The following MAP4 variants were observed in gnomAD, a reference collection of about 807,000 sequenced individuals.
The protein encoded by MAP4 is microtubule associated protein 4.
Under a neutral mutation model 170.2 loss-of-function variants are expected in MAP4, and 76 were observed. That is an observed-to-expected ratio of 0.45 (90% CI 0.37 to 0.54). MAP4 has a LOEUF of 0.54. Among genes scored for constraint, MAP4 ranks in the 20% least tolerant of loss-of-function variants. The pLI, the probability that MAP4 is intolerant of heterozygous loss-of-function variation, is 0.00. For synonymous variants in MAP4, 909 were observed against 994.5 expected, an observed-to-expected ratio of 0.91 and a Z score of 1.62; for missense variants, 2,506 against 2,748.0, an observed-to-expected ratio of 0.91 and a Z score of 1.97.
At chr3:47,969,408 C>T (rs1277186113) in intron 3 of MAP4, among the ~76,000 whole-genome samples, 1 of 91,774 alleles carries the variant, frequency 1.1e-5, no homozygotes, top group Admixed American at 1.3e-4. Flanking sequence ...CTCTGTCTCG[C>T]GGGGCGCGGG....
intron 1 of MAP4, among the ~76,000 whole-genome samples, chr3:48,078,125 C>T (rs2100144856): frequency 6.6e-6 from 1 of 152,002 alleles, no homozygotes; most frequent in African/African-American, 2.4e-5. Context: ...TGTGAATACA[C>T]CAAAAACCAC....
At chr3:47,862,473 A>C (rs1470415214) in intron 17 of MAP4, among the ~76,000 whole-genome samples, 1 of 150,962 alleles carries the variant, frequency 6.6e-6, no homozygotes, top group East Asian at 1.9e-4. Flanking sequence ...TATATGGATC[A>C]ATTTTTTCCT....
chr3:47,991,430 G>A (rs1406545257), intron 2 of MAP4, among the ~76,000 whole-genome samples: 1 of 152,116 alleles, frequency 6.6e-6, no homozygotes, highest in East Asian at 1.9e-4. Context: ...CAGTGCTTTG[G>A]GAGGCTAAGG....
At chr3:47,856,889 G>C (rs1481844862) in intron 18 of MAP4, among the ~76,000 whole-genome samples, 1 of 152,240 alleles carries the variant, frequency 6.6e-6, no homozygotes, top group Non-Finnish European at 1.5e-5. Flanking sequence ...ACTACCCAAG[G>C]CAAGAGCCCA....
At chr3:47,896,498 C>T (rs1183669580) in intron 10 of MAP4, among the ~76,000 whole-genome samples, 1 of 152,100 alleles carries the variant, frequency 6.6e-6, no homozygotes, top group Non-Finnish European at 1.5e-5. Context: ...CATTGCACTC[C>T]AGCCTGGGCA....
chr3:47,891,570 A>G, intron 10 of MAP4: 1 of 1,532,382 alleles, frequency 6.5e-7, no homozygotes, highest in South Asian at 1.2e-5. Context: ...GGGGGAACTG[A>G]GAGGTGAGAA....
intron 1 of MAP4, among the ~76,000 whole-genome samples, chr3:48,084,385 C>CT (rs1179241477): frequency 3.1e-5 from 4 of 127,538 alleles, no homozygotes; most frequent in African/African-American, 6.1e-5. Flanking sequence ...GATCTCATCT[C>CT]TAAAAAAAAA....
At chr3:48,068,297 A>G (rs1408130177) in intron 1 of MAP4, among the ~76,000 whole-genome samples, 1 of 151,586 alleles carries the variant, frequency 6.6e-6, no homozygotes, top group East Asian at 1.9e-4. Context: ...ATATTTAAGT[A>G]ATAAACATCC....
intron 3 of MAP4, among the ~76,000 whole-genome samples, chr3:47,968,983 C>A (rs2100076838): frequency 6.6e-6 from 1 of 152,092 alleles, no homozygotes; most frequent in Non-Finnish European, 1.5e-5. Context: ...AATTATATAA[C>A]CTAGATGAAA....
At position 48,080,093 on chromosome 3, in the gene MAP4, T is replaced by C. The variant is rs58216612; in HGVS notation, c.-20+8680A>G. Among the ~76,000 whole-genome samples, 615 of 152,264 alleles carry C rather than the reference T, an allele frequency of 4.0e-3. 6 individuals are homozygous for C. Among genetic ancestry groups the C allele is most frequent in the African/African-American group, 0.014 (594 of 41,542 alleles). On this transcript the variant is annotated intron_variant, in intron 1 of 18. Coordinates refer to the MAP4 transcript ENST00000360240. ...AGAAAAAGGTGGGACAAAATAACTG[T>C]CATTGAATAGGTGCAAAGTTGAGAT...
chr3:47,882,812 A>AT (rs970187820), intron 10 of MAP4, among the ~76,000 whole-genome samples: 34 of 147,430 alleles, frequency 2.3e-4, no homozygotes, highest in Admixed American at 1.1e-3. Context: ...CCCTACTTTA[A>AT]TTTTTTTTTT....
At chr3:47,933,850 C>T (rs1162804137) in intron 3 of MAP4, among the ~76,000 whole-genome samples, 1 of 152,166 alleles carries the variant, frequency 6.6e-6, no homozygotes, top group Admixed American at 6.5e-5. Context: ...GATCTGCCTG[C>T]CTCAGCCTCC....
At chr3:48,002,440 T>C (rs2100099717) in intron 1 of MAP4, among the ~76,000 whole-genome samples, 2 of 151,934 alleles carry the variant, frequency 1.3e-5, no homozygotes, top group African/African-American at 2.4e-5. Flanking sequence ...CATACACTTA[T>C]AGTCCTAGCT....
At chr3:47,954,548 G>A (rs368660788) in intron 3 of MAP4, among the ~76,000 whole-genome samples, 4 of 152,132 alleles carry the variant, frequency 2.6e-5, no homozygotes, top group Non-Finnish European at 5.9e-5. Context: ...CAATTAACAA[G>A]CCCAGGTCCC....
At chr3:48,009,292 G>A (rs933249134) in intron 1 of MAP4, among the ~76,000 whole-genome samples, 1 of 152,104 alleles carries the variant, frequency 6.6e-6, no homozygotes, top group African/African-American at 2.4e-5. Context: ...GTAGAGACAG[G>A]GTTTCACCAT....
intron 1 of MAP4, among the ~76,000 whole-genome samples, chr3:48,007,437 G>A (rs1248293912): frequency 2.0e-5 from 3 of 152,228 alleles, no homozygotes; most frequent in Non-Finnish European, 4.4e-5. Flanking sequence ...TGACCTGAAA[G>A]GCTGCCAGTT....
intron 1 of MAP4, among the ~76,000 whole-genome samples, chr3:48,058,814 C>G (rs960739809): frequency 2.6e-5 from 4 of 152,164 alleles, no homozygotes; most frequent in Non-Finnish European, 5.9e-5. Context: ...AGGTCTTGCT[C>G]TGTCGCCCAG....
intron 1 of MAP4, among the ~76,000 whole-genome samples, chr3:48,075,974 CAAA>C (rs60556044): frequency 2.1e-5 from 1 of 47,558 alleles, no homozygotes. Flanking sequence ...AACTCCATCT[CAAA>C]AAAAAAAAAA....
chr3:47,961,480 G>C (rs890775628), intron 3 of MAP4, among the ~76,000 whole-genome samples: 1 of 152,178 alleles, frequency 6.6e-6, no homozygotes, highest in Non-Finnish European at 1.5e-5. Context: ...AGAAACATAA[G>C]AGTTTCATTG....
Sources: allele counts gnomAD v4.1 joint callset (sites outside exome capture counted in the v4.1 genomes callset), GRCh38; gene constraint gnomAD v4.1.1; transcripts MANE v1.5; gene names NCBI Gene and HGNC (gene_info 2026-07-23, HGNC 2026-07-21).